MACROD2: variants seen among roughly 807,000 people sequenced by gnomAD.
MACROD2 encodes the protein mono-ADP ribosylhydrolase 2, also known as ADP-ribose glycohydrolase MACROD2.
In MACROD2, 36 loss-of-function variants were observed where a neutral mutation model predicts 70.4. The observed-to-expected ratio is 0.51, with a 90% CI of 0.39 to 0.68. The LOEUF (loss-of-function observed/expected upper bound fraction) is 0.68. Ranked by LOEUF, MACROD2 falls within the 30% of genes least tolerant of loss-of-function variation. The probability of loss-of-function intolerance (pLI) is 0.00; values close to 1 mark genes in which losing one functional copy is unlikely to be tolerated. For missense variants in MACROD2, 496 were observed against 538.4 expected (o/e 0.92, Z 0.78); for synonymous variants, 172 against 178.8 (o/e 0.96, Z 0.30).
intron 3 of MACROD2, among the ~76,000 whole-genome samples, chr20:14,292,732 T>G (rs1186990058): frequency 1.3e-5 from 2 of 151,892 alleles, no homozygotes; most frequent in African/African-American, 4.9e-5. Context: ...CCTCCCAGGT[T>G]CAAACGATTC....
chr20:14,049,415 T>G (rs1601158923), intron 2 of MACROD2, among the ~76,000 whole-genome samples: 2 of 150,358 alleles, frequency 1.3e-5, no homozygotes, highest in African/African-American at 2.4e-5. Context: ...GGAGGGGAGG[T>G]GGTGATGTGA....
chr20:14,934,750 C>T (rs1199735787), intron 5 of MACROD2, among the ~76,000 whole-genome samples: 1 of 152,116 alleles, frequency 6.6e-6, no homozygotes, highest in Non-Finnish European at 1.5e-5. Flanking sequence ...TGTACCACTG[C>T]ACTCTAGCCT....
At chr20:14,225,032 T>C (rs555619644) in intron 3 of MACROD2, among the ~76,000 whole-genome samples, 1 of 152,364 alleles carries the variant, frequency 6.6e-6, no homozygotes, top group South Asian at 2.1e-4. Flanking sequence ...GTCATCTGCC[T>C]GTTTGGGGGA....
intron 7 of MACROD2, among the ~76,000 whole-genome samples, chr20:15,488,050 T>A (rs2047183920): frequency 6.6e-6 from 1 of 152,172 alleles, no homozygotes; most frequent in Admixed American, 6.5e-5. Context: ...TGTCTGGTGC[T>A]GTGTCCCTGA....
chr20:15,403,157 G>A (rs555617733), intron 6 of MACROD2, among the ~76,000 whole-genome samples: 9 of 151,974 alleles, frequency 5.9e-5, no homozygotes, highest in East Asian at 1.9e-4. Context: ...GAGTAGAGAC[G>A]GGGTTTCACT....
At chr20:14,171,372 T>C (rs2081219376) in intron 3 of MACROD2, among the ~76,000 whole-genome samples, 1 of 152,244 alleles carries the variant, frequency 6.6e-6, no homozygotes, top group Non-Finnish European at 1.5e-5. Flanking sequence ...TTATTTCTTT[T>C]CTTCTTCTGG....
chr20:14,044,485 C>T (rs1011490644), intron 2 of MACROD2, among the ~76,000 whole-genome samples: 3 of 152,158 alleles, frequency 2.0e-5, no homozygotes, highest in Admixed American at 2.0e-4. Flanking sequence ...CACCCACATC[C>T]TGCTGATTGG....
At chr20:14,015,989 AAG>A (rs1398161978) in intron 2 of MACROD2, among the ~76,000 whole-genome samples, 1 of 152,220 alleles carries the variant, frequency 6.6e-6, no homozygotes, top group African/African-American at 2.4e-5. Context: ...GGTATTAACT[AAG>A]AGTGGAATTG....
At chr20:15,190,621 A>G (rs2076564131) in intron 5 of MACROD2, among the ~76,000 whole-genome samples, 1 of 152,178 alleles carries the variant, frequency 6.6e-6, no homozygotes, top group African/African-American at 2.4e-5. Context: ...ACCAGCATTG[A>G]AAAGATAGTT....
At chr20:15,639,315 C>T (rs1277879516) in intron 8 of MACROD2, among the ~76,000 whole-genome samples, 1 of 152,170 alleles carries the variant, frequency 6.6e-6, no homozygotes, top group East Asian at 1.9e-4. Flanking sequence ...AATTCATAAT[C>T]AGAACTGCTC....
intron 5 of MACROD2, among the ~76,000 whole-genome samples, chr20:15,188,049 C>T (rs559560807): frequency 5.3e-5 from 8 of 152,186 alleles, no homozygotes; most frequent in East Asian, 3.9e-4. Flanking sequence ...TTATAAAATT[C>T]GGCACATCAA....
intron 5 of MACROD2, among the ~76,000 whole-genome samples, chr20:14,889,177 G>C (rs1226477744): frequency 6.6e-6 from 1 of 152,032 alleles, no homozygotes; most frequent in Non-Finnish European, 1.5e-5. Flanking sequence ...ATGCTGTTAT[G>C]TTCCTTGCCT....
chr20:15,183,905 C>T (rs1489427950), intron 5 of MACROD2, among the ~76,000 whole-genome samples: 1 of 152,172 alleles, frequency 6.6e-6, no homozygotes, highest in African/African-American at 2.4e-5. Context: ...GGCCTGGAGC[C>T]CCAATTCTTA....
chr20:15,559,200 C>A (rs2048208394), intron 8 of MACROD2, among the ~76,000 whole-genome samples: 3 of 128,532 alleles, frequency 2.3e-5, no homozygotes, highest in Non-Finnish European at 4.6e-5. Flanking sequence ...GCACTCCAGC[C>A]TGGGCGACAG....
chr20:14,575,017 C>CAAA (rs1195216470), intron 4 of MACROD2, among the ~76,000 whole-genome samples: 11,320 of 48,248 alleles, frequency 0.23, 774 homozygotes, highest in Non-Finnish European at 0.33. Flanking sequence ...GACTCTGTCT[C>CAAA]AAAAAAAAAA....
chr20:15,069,711 C>A (rs1388108168), intron 5 of MACROD2, among the ~76,000 whole-genome samples: 1 of 152,228 alleles, frequency 6.6e-6, no homozygotes, highest in African/African-American at 2.4e-5. Flanking sequence ...GCGAAGTCTG[C>A]AAGCATGCAG....
At chr20:15,460,998 A>ATT (rs1273367857) in intron 7 of MACROD2, among the ~76,000 whole-genome samples, 4 of 76,510 alleles carry the variant, frequency 5.2e-5, no homozygotes, top group African/African-American at 1.8e-4. Context: ...ATATATATAT[A>ATT]TATATATATT....
chr20:14,083,921 C>T (rs1407702472), intron 2 of MACROD2, among the ~76,000 whole-genome samples: 1 of 151,624 alleles, frequency 6.6e-6, no homozygotes, highest in African/African-American at 2.4e-5. Context: ...ACTAGCCGGG[C>T]CTGGTGGCGG....
intron 5 of MACROD2, among the ~76,000 whole-genome samples, chr20:14,869,217 T>C (rs908473855): frequency 7.9e-5 from 12 of 152,200 alleles, no homozygotes; most frequent in Non-Finnish European, 1.6e-4. Flanking sequence ...GGAGAAAATA[T>C]GTGCTAGAGT....
Sources: allele counts gnomAD v4.1 joint callset (sites outside exome capture counted in the v4.1 genomes callset), GRCh38; gene constraint gnomAD v4.1.1; transcripts MANE v1.5; gene names NCBI Gene and HGNC (gene_info 2026-07-23, HGNC 2026-07-21).